The following CFAP92 variants were observed in gnomAD, a reference collection of about 807,000 sequenced individuals.
CFAP92 encodes uncharacterized protein CFAP92.
A neutral mutation model predicts 106.3 loss-of-function variants in CFAP92; 86 were observed. The observed-to-expected ratio is 0.81, with a 90% CI of 0.68 to 0.97. The LOEUF (loss-of-function observed/expected upper bound fraction) is 0.97. CFAP92 is among the 50% of genes least tolerant of loss of function. The pLI, the probability that CFAP92 is intolerant of heterozygous loss-of-function variation, is 0.00. For synonymous variants in CFAP92, 477 were observed against 506.4 expected, an observed-to-expected ratio of 0.94 and a Z score of 0.78; for missense variants, 1,204 against 1,283.8, an observed-to-expected ratio of 0.94 and a Z score of 0.95.
Position 128,910,122 on chromosome 3 carries a change from C to T in CFAP92, c.*177G>A, listed in dbSNP as rs1030645883. The T allele has an allele frequency of 6.2e-7, 1 of 1,614,070 alleles. No individual in the cohort carries two copies. Among genetic ancestry groups the T allele is most frequent in the Non-Finnish European group, 8.5e-7 (1 of 1,180,052 alleles). ...TGTCGCGGGCCAGCCGCTCCATCCGCATTGGGCTCCGCAACCACGACCACG... is the reference window on the plus strand; with the variant it reads ...TGTCGCGGGCCAGCCGCTCCATCCGTATTGGGCTCCGCAACCACGACCACG... On this transcript the variant is annotated 3_prime_UTR_variant, in exon 16 of 16. Transcript: ENST00000645291.
At chr3:128,948,373 TTTCC>T in intron 9 of CFAP92, among the ~76,000 whole-genome samples, 1 of 124,762 alleles carries the variant, frequency 8.0e-6, no homozygotes, top group Non-Finnish European at 1.6e-5. Context: ...TTTTCTTTTC[TTTCC>T]TTTTTTTTTT....
At chr3:128,990,079 G>T (rs1432793063) in intron 2 of CFAP92, among the ~76,000 whole-genome samples, 1 of 152,228 alleles carries the variant, frequency 6.6e-6, no homozygotes, top group Non-Finnish European at 1.5e-5. Context: ...GTCTATCGCA[G>T]AATTGCAACA....
chr3:128,960,297 T>C (rs1426391142), intron 9 of CFAP92, among the ~76,000 whole-genome samples: 4 of 152,162 alleles, frequency 2.6e-5, no homozygotes, highest in Admixed American at 2.6e-4. Flanking sequence ...GGGAGATCAA[T>C]CCCCCGTCCT....
intron 2 of CFAP92, among the ~76,000 whole-genome samples, chr3:128,992,755 A>G (rs561729742): frequency 4.9e-4 from 74 of 152,232 alleles, no homozygotes; most frequent in South Asian, 3.9e-3. Flanking sequence ...ATGAGAATCA[A>G]TGCCTTAACC....
chr3:129,021,790 T>G, the CFAP92 span, among the ~76,000 whole-genome samples: 25 of 152,316 alleles, frequency 1.6e-4, no homozygotes, highest in African/African-American at 5.8e-4. Flanking sequence ...ATCTGAAAAT[T>G]TCATTGTTTG....
chr3:128,949,690 T>C (rs1940594275), intron 9 of CFAP92, among the ~76,000 whole-genome samples: 2 of 152,212 alleles, frequency 1.3e-5, no homozygotes, highest in African/African-American at 4.8e-5. Flanking sequence ...TACGTGATTT[T>C]ATTTTATTTT....
intron 9 of CFAP92, among the ~76,000 whole-genome samples, chr3:128,949,164 G>C (rs75708543): frequency 0.038 from 5,712 of 152,262 alleles, 165 homozygotes; most frequent in East Asian, 0.11. Context: ...GTTTTTCATA[G>C]TCAGGCATAT....
intron 15 of CFAP92, chr3:128,913,057 A>G (rs1299495377): frequency 2.2e-6 from 1 of 455,486 alleles, no homozygotes; most frequent in East Asian, 6.9e-5. Context: ...GGCACTTAAA[A>G]CATGTACCAG....
At chr3:128,943,858 A>G (rs1939914115) in intron 10 of CFAP92, among the ~76,000 whole-genome samples, 2 of 149,712 alleles carry the variant, frequency 1.3e-5, no homozygotes, top group African/African-American at 5.0e-5. Flanking sequence ...TTATGGCTCA[A>G]TTATTCTATG....
upstream of CFAP92, among the ~76,000 whole-genome samples, chr3:129,007,374 A>G (rs1470921241): frequency 1.3e-5 from 2 of 152,232 alleles, no homozygotes; most frequent in Admixed American, 1.3e-4. Flanking sequence ...TGCCCCAAAC[A>G]GTAGAGCCCC....
At chr3:128,989,517 C>A (rs1221477430) in intron 2 of CFAP92, among the ~76,000 whole-genome samples, 1 of 151,958 alleles carries the variant, frequency 6.6e-6, no homozygotes, top group South Asian at 2.1e-4. Context: ...CTACCCAATG[C>A]GGGGTGGATA....
the CFAP92 span, among the ~76,000 whole-genome samples, chr3:129,012,567 G>A: frequency 1.3e-5 from 2 of 152,208 alleles, no homozygotes; most frequent in South Asian, 2.1e-4. Flanking sequence ...AGGAAAGAAC[G>A]TGGATTGGCC....
intron 12 of CFAP92, among the ~76,000 whole-genome samples, chr3:128,927,187 A>G (rs1236329096): frequency 6.6e-6 from 1 of 152,176 alleles, no homozygotes; most frequent in Non-Finnish European, 1.5e-5. Context: ...GCCACCTACA[A>G]GCCAAGAGAA....
chr3:128,984,002 G>A (rs1040756968), intron 4 of CFAP92, among the ~76,000 whole-genome samples: 1 of 152,188 alleles, frequency 6.6e-6, no homozygotes, highest in Non-Finnish European at 1.5e-5. Flanking sequence ...AAAGCCAGAG[G>A]GCAGGAGGGA....
rs188056943 is a variant in CFAP92 at position 128,978,060 on chromosome 3, G to A, written c.793C>T (p.Pro265Ser). Residue 265 changes from proline (P) to serine (S), a missense_variant, in exon 5 of 16, where the codon CCA (proline) becomes TCA (serine). By Grantham distance (74) the Pro-to-Ser change is moderately conservative. Coordinates refer to ENST00000645291, the MANE Select transcript of CFAP92 (RefSeq NM_001394090.1). ...CTCCGCTCACCTTGCAAAGACTTTG[G>A]GTGTTTTTCTGTTTTTTCTTGTTTT... is the stretch of plus-strand genomic sequence containing the variant. Reference protein sequence around the residue: ...PGKQEKTEKHPKSLQGSHQAE... With the variant: ...PGKQEKTEKHSKSLQGSHQAE... 9.2e-5 allele frequency: 149 copies of A among 1,613,884 alleles called. No individual in the cohort carries two copies. In the African/African-American group the frequency reaches 1.6e-3, roughly 18 times the overall value.
intron 1 of CFAP92, among the ~76,000 whole-genome samples, chr3:129,000,047 C>T (rs1360927974): frequency 6.6e-6 from 1 of 152,192 alleles, no homozygotes; most frequent in Non-Finnish European, 1.5e-5. Flanking sequence ...GCATAATCAG[C>T]TTGTGGCTTG....
chr3:128,949,331 G>A (rs150053545), intron 9 of CFAP92, among the ~76,000 whole-genome samples: 10 of 152,300 alleles, frequency 6.6e-5, no homozygotes, highest in African/African-American at 1.7e-4. Context: ...ATGAGTGCAC[G>A]AACAAACTGT....
intron 7 of CFAP92, among the ~76,000 whole-genome samples, chr3:128,974,884 G>C (rs1943044343): frequency 6.6e-6 from 1 of 151,936 alleles, no homozygotes; most frequent in Non-Finnish European, 1.5e-5. Flanking sequence ...ACTTTGGGAG[G>C]CCGAGGCGGG....
Position 128,916,186 on chromosome 3 carries a change from T to G in CFAP92, c.2837A>C (p.Lys946Thr), listed in dbSNP as rs1424120246. 2 of 1,232,044 alleles carry G rather than the reference T, an allele frequency of 1.6e-6. No individual in the cohort carries two copies. Among genetic ancestry groups the G allele is most frequent in the Non-Finnish European group, 2.0e-6 (2 of 987,978 alleles). 76.3% of individuals were successfully genotyped at this position (1,232,044 alleles called of 1,614,324 possible). ...KVIKISAPAN[K>T]AVYNYSTQTM... ...CTGGGTACTATAGTTGTAGACGGCC[T>G]TGTTGGCAGGGGCTGAAATTTTAAT... is the stretch of plus-strand genomic sequence containing the variant. Residue 946 changes from lysine (K) to threonine (T), a missense_variant, in exon 13 of 16, where the codon AAG (lysine) becomes ACG (threonine). Transcript: ENST00000645291.
Sources: allele counts gnomAD v4.1 joint callset (sites outside exome capture counted in the v4.1 genomes callset), GRCh38; gene constraint gnomAD v4.1.1; transcripts MANE v1.5; gene names NCBI Gene and HGNC (gene_info 2026-07-23, HGNC 2026-07-21).